Variants in TRUB1 observed in about 807,000 individuals in gnomAD.
TRUB1 encodes pseudouridylate synthase TRUB1.
In TRUB1, 23 loss-of-function variants were observed where a neutral mutation model predicts 33.9. That is an observed-to-expected ratio of 0.68 (90% confidence interval 0.49 to 0.96). The LOEUF (loss-of-function observed/expected upper bound fraction) is 0.96. TRUB1 is among the 40% of genes least tolerant of loss of function. The pLI is 0.00. For synonymous variants in TRUB1, 163 were observed against 165.4 expected (o/e 0.99, Z 0.11); for missense variants, 378 against 422.2 (o/e 0.90, Z 0.92).
chr10:114,941,679 G>A (rs925511959), intron 1 of TRUB1, among the ~76,000 whole-genome samples: 1 of 152,022 alleles, frequency 6.6e-6, no homozygotes, highest in African/African-American at 2.4e-5. Context: ...AGATAAGCCG[G>A]GCTGGCATCC....
At chr10:114,947,554 A>T (rs2084216658) in intron 2 of TRUB1, among the ~76,000 whole-genome samples, 2 of 152,200 alleles carry the variant, frequency 1.3e-5, no homozygotes, top group African/African-American at 4.8e-5. Context: ...TAGTCAGTTA[A>T]CATTTTTGCC....
chr10:114,970,250 A>G (rs2084329331), intron 4 of TRUB1, 118 bp from the exon 5 acceptor site: 1 of 644,534 alleles, frequency 1.6e-6, no homozygotes, highest in East Asian at 2.6e-5. Flanking sequence ...TAAAACATAT[A>G]CTGTAATATA....
intron 1 of TRUB1, among the ~76,000 whole-genome samples, chr10:114,940,398 G>A (rs1411995066): frequency 6.6e-6 from 1 of 152,228 alleles, no homozygotes; most frequent in Non-Finnish European, 1.5e-5. Flanking sequence ...TGGGATTACA[G>A]GCATGAGCCA....
intron 3 of TRUB1, among the ~76,000 whole-genome samples, chr10:114,956,722 A>G (rs1254647698): frequency 6.6e-6 from 1 of 152,118 alleles, no homozygotes; most frequent in Admixed American, 6.5e-5. Context: ...AGTTTTTCAG[A>G]GATTACTAGA....
chr10:114,965,023 G>T (rs571751884), intron 4 of TRUB1, among the ~76,000 whole-genome samples: 1 of 149,032 alleles, frequency 6.7e-6, no homozygotes, highest in Non-Finnish European at 1.5e-5. Context: ...TCCGCCTCCC[G>T]GGTTCATGCC....
rs369232418 is a variant in TRUB1 at position 114,952,532 on chromosome 10, G to T, written c.441+1383G>T. On this transcript the variant is annotated intron_variant, in intron 3 of 7. Coordinates refer to ENST00000298746, the MANE Select transcript of TRUB1 (RefSeq NM_139169.5). Reference sequence around the variant, plus strand: ...AGGTAGATAGATACATAGATACATAGATTGATTGATTGATTGATCGATTGA... The same window carrying T: ...AGGTAGATAGATACATAGATACATATATTGATTGATTGATTGATCGATTGA... Among the ~76,000 whole-genome samples, 43 of 152,188 alleles carry T rather than the reference G, an allele frequency of 2.8e-4. 1 individual carries two copies. In the East Asian group the frequency reaches 5.8e-3, roughly 20 times the overall value.
chr10:114,974,814 A>G (rs955380495), intron 7 of TRUB1, among the ~76,000 whole-genome samples: 2 of 152,142 alleles, frequency 1.3e-5, no homozygotes, highest in East Asian at 3.9e-4. Context: ...CGCACTGGAC[A>G]GGTCATATGA....
chr10:114,962,214 CCTGA>C (rs2084287649), intron 4 of TRUB1, among the ~76,000 whole-genome samples: 1 of 152,112 alleles, frequency 6.6e-6, no homozygotes. Flanking sequence ...CACCACCATG[CCTGA>C]CTATTTTTTG....
At chr10:114,944,492 C>T (rs554324996) in intron 2 of TRUB1, among the ~76,000 whole-genome samples, 94 of 152,194 alleles carry the variant, frequency 6.2e-4, no homozygotes, top group African/African-American at 2.2e-3. Flanking sequence ...GACCCTGTCT[C>T]TACTAAAAAT....
Position 114,942,020 on chromosome 10 carries a change from G to A in TRUB1, c.287-625G>A, listed in dbSNP as rs112430102. On this transcript the variant is annotated intron_variant, in intron 1 of 7. Transcript: ENST00000298746. ...AGGATGGTCTCAATCTCCTGACCTC[G>A]TGATCCGCCCGCTTCGGCCTCTCAA... Among the ~76,000 whole-genome samples, 571 of 152,164 alleles carry A rather than the reference G, an allele frequency of 3.8e-3. 1 individual carries two copies. The highest frequency in any genetic ancestry group is 0.012 in the African/African-American group (514 of 41,530).
intron 3 of TRUB1, among the ~76,000 whole-genome samples, chr10:114,953,591 A>C (rs1183763501): frequency 1.3e-5 from 2 of 152,200 alleles, no homozygotes; most frequent in African/African-American, 4.8e-5. Context: ...ATGACCATAT[A>C]GATACATACA....
rs1459377329 is a variant in TRUB1, at chr10:114,977,281, C to T, written c.*1902C>T. On this transcript the variant is annotated 3_prime_UTR_variant, in exon 8 of 8. Transcript: ENST00000298746. ...TTGTTGTTCACATAGTCTTAAGGCA[C>T]CTATACTTTTAAATTGACTTTTTCA... is the stretch of plus-strand genomic sequence containing the variant. The T allele has an allele frequency of 6.6e-6, 1 of 151,756 alleles. No homozygotes were observed. Among genetic ancestry groups the T allele is most frequent in the Non-Finnish European group, 1.5e-5 (1 of 67,904 alleles). 9.4% of individuals were successfully genotyped at this position (151,756 alleles called of 1,614,324 possible).
Position 114,973,088 on chromosome 10 carries a change from T to G in TRUB1, c.736+814T>G, listed in dbSNP as rs904405142. On this transcript the variant is annotated intron_variant, in intron 6 of 7. Transcript: ENST00000298746. The stretch of plus-strand genomic sequence containing the variant: ...TTTAATCTAAACTCTATTGCTTTTT[T>G]ATTGGCATTATTGTTTTATCTGTGT... 2.0e-5 allele frequency among the ~76,000 whole-genome samples: 3 copies of G among 152,180 alleles called. No homozygotes were observed. In the South Asian group the frequency reaches 6.2e-4, roughly 32 times the overall value.
chr10:114,945,101 A>G (rs541348049), intron 2 of TRUB1, among the ~76,000 whole-genome samples: 17 of 152,350 alleles, frequency 1.1e-4, no homozygotes, highest in Non-Finnish European at 1.9e-4. Context: ...GGTTATTACT[A>G]TCCCCATTTT....
Position 114,970,434 on chromosome 10 carries a change from C to T in TRUB1, c.590C>T (p.Pro197Leu), listed in dbSNP as rs201705910. 1.2e-6 allele frequency: 2 copies of T among 1,607,080 alleles called. No homozygotes were observed. The highest frequency in any genetic ancestry group is 1.1e-5 in the South Asian group (1 of 90,676). The change falls in exon 5 of 8, where the codon CCC becomes CTC. Residue 197 changes from proline to leucine, a missense_variant. Physicochemically the swap from Pro to Leu is moderately conservative, Grantham distance 98 (BLOSUM62 -3). Coordinates refer to ENST00000298746, the MANE Select transcript of TRUB1 (RefSeq NM_139169.5). Reference sequence around the variant, plus strand: ...TTTACTGGAAATATAATGCAAGTGCCCCCCCTGTAAGTTCAATTAGTAAAT... The same window carrying T: ...TTTACTGGAAATATAATGCAAGTGCTCCCCCTGTAAGTTCAATTAGTAAAT... ...QKFTGNIMQV[P>L]PLYSALKKDG...
intron 4 of TRUB1, among the ~76,000 whole-genome samples, chr10:114,970,134 A>G (rs535335231): frequency 6.6e-6 from 1 of 152,314 alleles, no homozygotes; most frequent in South Asian, 2.1e-4. Flanking sequence ...TATTGGAGAA[A>G]AATTGAAGCA....
chr10:114,959,209 T>A (rs2084274690), intron 3 of TRUB1, among the ~76,000 whole-genome samples: 1 of 152,236 alleles, frequency 6.6e-6, no homozygotes. Context: ...TTTGCTCTTT[T>A]TCTACAGATT....
At chr10:114,944,520 A>T (rs1015272545) in intron 2 of TRUB1, among the ~76,000 whole-genome samples, 1 of 152,130 alleles carries the variant, frequency 6.6e-6, no homozygotes, top group Non-Finnish European at 1.5e-5. Flanking sequence ...TTAGCCGGGC[A>T]TGGTGGCATG....
At chr10:114,970,813 T>G (rs971031176) in intron 5 of TRUB1, among the ~76,000 whole-genome samples, 2 of 152,052 alleles carry the variant, frequency 1.3e-5, no homozygotes. Context: ...TGAGTCAGAG[T>G]CCTAATGTGC....
Sources: gnomAD v4.1 joint callset for allele counts (sites outside exome capture counted in the v4.1 genomes callset) on GRCh38, gnomAD v4.1.1 for gene constraint, MANE v1.5 for transcripts, NCBI Gene and HGNC (gene_info 2026-07-23, HGNC 2026-07-21) for gene names.